The following FRMPD4 variants were observed in gnomAD, a reference collection of about 807,000 sequenced individuals.
FRMPD4 encodes FERM and PDZ domain containing 4.
FRMPD4 carries 22 observed loss-of-function variants against 94.1 expected under a neutral mutation model. That is an observed-to-expected ratio of 0.23 (90% CI 0.17 to 0.33). The LOEUF is 0.33. Among genes scored for constraint, FRMPD4 ranks in the 10% least tolerant of loss-of-function variants. The pLI, the probability that FRMPD4 is intolerant of heterozygous loss-of-function variation, is 1.00. For synonymous variants in FRMPD4, 631 were observed against 548.6 expected (o/e 1.15, Z -2.10); for missense variants, 1,111 against 1,339.9 (o/e 0.83, Z 2.67).
chrX:12,672,551 G>C (rs1419101975), intron 4 of FRMPD4, among the ~76,000 whole-genome samples: 1 of 111,749 alleles, frequency 8.9e-6, no homozygotes, highest in Non-Finnish European at 1.9e-5. Context: ...TTGTAATGAA[G>C]ATATGAGTCA....
intron 1 of FRMPD4, among the ~76,000 whole-genome samples, chrX:12,163,223 A>C (rs2056054266): frequency 1.8e-5 from 2 of 110,752 alleles, no homozygotes; most frequent in Non-Finnish European, 3.8e-5. Context: ...CCAGGGTCTA[A>C]TGATATTTGT....
At chrX:12,360,513 G>A (rs920428350) in intron 1 of FRMPD4, among the ~76,000 whole-genome samples, 14 of 111,627 alleles carry the variant, frequency 1.3e-4, no homozygotes, top group African/African-American at 4.6e-4. Context: ...AGATTGCTGT[G>A]TCATTTCCCT....
intron 1 of FRMPD4, among the ~76,000 whole-genome samples, chrX:12,411,927 C>G (rs372215011): frequency 1.1e-4 from 12 of 111,581 alleles, no homozygotes; most frequent in African/African-American, 3.9e-4. Flanking sequence ...TAACTACAGT[C>G]TTTTACTTGG....
rs922107910 is a variant in FRMPD4, at chrX:12,073,187, C to T, written c.95+195169C>T. 2.7e-5 allele frequency among the ~76,000 whole-genome samples: 3 copies of T among 110,947 alleles called. No individual in the cohort carries two copies. In the East Asian group the frequency reaches 8.4e-4, roughly 31 times the overall value. On this transcript the variant is annotated intron_variant, in intron 3 of 18. Coordinates refer to the FRMPD4 transcript ENST00000640291. ...AGTTTCTTTTAATATAAACAAAATT[C>T]CAGTGAACACTCTTGCACATCCTCC...
chrX:12,159,552 A>G (rs1269956391), intron 1 of FRMPD4, among the ~76,000 whole-genome samples: 1 of 112,281 alleles, frequency 8.9e-6, no homozygotes, highest in Admixed American at 9.4e-5. Context: ...CAGTTGCTCT[A>G]GGCTTCTGCA....
At chrX:12,669,494 TGGGCTTTC>T (rs1401813158) in intron 4 of FRMPD4, among the ~76,000 whole-genome samples, 11 of 54,864 alleles carry the variant, frequency 2.0e-4, no homozygotes, top group African/African-American at 6.8e-4. Context: ...ACTAGCTTTC[TGGGCTTTC>T]TGGGAATTTG....
chrX:12,160,741 T>C lies in FRMPD4; in HGVS notation c.41+21729T>C, dbSNP rs757694959. On this transcript the variant is annotated intron_variant, in intron 1 of 16. Transcript: ENST00000675598. Reference sequence around the variant, plus strand: ...TCTTTAGAATATCCCTGTGTCAAAATAAGTCATAATTTCTGGTACAAAATA... The same window carrying C: ...TCTTTAGAATATCCCTGTGTCAAAACAAGTCATAATTTCTGGTACAAAATA... 9.9e-5 allele frequency among the ~76,000 whole-genome samples: 11 copies of C among 111,576 alleles called. No homozygotes were observed. In the East Asian group the frequency reaches 3.1e-3, roughly 31 times the overall value.
At chrX:12,126,783 A>G (rs916046529) in intron 3 of FRMPD4, among the ~76,000 whole-genome samples, 10 of 111,529 alleles carry the variant, frequency 9.0e-5, no homozygotes, top group Admixed American at 1.9e-4. Context: ...TAATTCCATC[A>G]CGGCTATTCT....
intron 1 of FRMPD4, among the ~76,000 whole-genome samples, chrX:12,230,435 T>C (rs1335051040): frequency 1.8e-5 from 2 of 111,526 alleles, no homozygotes; most frequent in African/African-American, 3.3e-5. Context: ...ATGGCAATAT[T>C]GTCACAGTGT....
intron 1 of FRMPD4, among the ~76,000 whole-genome samples, chrX:12,456,991 G>A (rs1402694766): frequency 8.9e-6 from 1 of 112,003 alleles, no homozygotes; most frequent in Non-Finnish European, 1.9e-5. Flanking sequence ...CACATGCTCA[G>A]CTTCACCGAA....
At chrX:12,192,423 G>A (rs1342503283) in intron 1 of FRMPD4, among the ~76,000 whole-genome samples, 3 of 112,121 alleles carry the variant, frequency 2.7e-5, no homozygotes, top group Non-Finnish European at 5.6e-5. Flanking sequence ...CCTGGAGAAA[G>A]CTATAGAATG....
At chrX:12,692,984 G>A (rs1379328062) in intron 8 of FRMPD4, among the ~76,000 whole-genome samples, 2 of 111,433 alleles carry the variant, frequency 1.8e-5, no homozygotes, top group East Asian at 2.8e-4. Flanking sequence ...GAATCCACTC[G>A]GCTCTGCAGG....
At chrX:12,218,496 A>G (rs1182088274) in intron 1 of FRMPD4, among the ~76,000 whole-genome samples, 2 of 111,970 alleles carry the variant, frequency 1.8e-5, no homozygotes, top group Non-Finnish European at 3.8e-5. Context: ...GTTGTCTGAG[A>G]ATTTAGTTAT....
chrX:11,888,179 A>G (rs2053856136), intron 3 of FRMPD4, among the ~76,000 whole-genome samples: 1 of 112,094 alleles, frequency 8.9e-6, no homozygotes, highest in South Asian at 3.7e-4. Flanking sequence ...AATAAAACAT[A>G]TTATAACTAG....
chrX:11,925,807 G>T (rs990138611), intron 3 of FRMPD4, among the ~76,000 whole-genome samples: 14 of 111,296 alleles, frequency 1.3e-4, no homozygotes, highest in African/African-American at 4.2e-4. Context: ...AAGTTAGAAA[G>T]ATCTCAAGCT....
intron 1 of FRMPD4, among the ~76,000 whole-genome samples, chrX:11,842,898 C>T (rs1781212232): frequency 9.1e-6 from 1 of 109,536 alleles, no homozygotes; most frequent in Admixed American, 9.9e-5. Flanking sequence ...TCATAGATAG[C>T]TCTTATTATT....
intron 1 of FRMPD4, among the ~76,000 whole-genome samples, chrX:12,411,536 A>G (rs999881974): frequency 3.6e-5 from 4 of 112,484 alleles, no homozygotes; most frequent in Non-Finnish European, 7.5e-5. Flanking sequence ...ATAAATAGCA[A>G]TGAGTACATT....
intron 1 of FRMPD4, among the ~76,000 whole-genome samples, chrX:12,252,519 T>C (rs1357907904): frequency 8.9e-6 from 1 of 112,237 alleles, no homozygotes; most frequent in Non-Finnish European, 1.9e-5. Flanking sequence ...TGATTCCAAT[T>C]GCTGGTATTG....
intron 3 of FRMPD4, among the ~76,000 whole-genome samples, chrX:11,981,932 T>TAC (rs2054399774): frequency 8.9e-6 from 1 of 111,850 alleles, no homozygotes; most frequent in Non-Finnish European, 1.9e-5. Context: ...CCTTTCAGCT[T>TAC]ATATATCACT....
Sources: allele counts gnomAD v4.1 joint callset (sites outside exome capture counted in the v4.1 genomes callset), GRCh38; gene constraint gnomAD v4.1.1; transcripts MANE v1.5; gene names NCBI Gene and HGNC (gene_info 2026-07-23, HGNC 2026-07-21).